ROBO2: variants seen among roughly 807,000 people sequenced by gnomAD.
ROBO2 encodes roundabout guidance receptor 2.
ROBO2 carries 53 observed loss-of-function variants against 160.8 expected under a neutral mutation model. That is an observed-to-expected ratio of 0.33 (90% CI 0.26 to 0.41). ROBO2 has a LOEUF of 0.41. ROBO2 is among the 10% of genes least tolerant of loss of function. The pLI, the probability that ROBO2 is intolerant of heterozygous loss-of-function variation, is 1.00. For synonymous variants in ROBO2, 664 were observed against 611.7 expected (o/e 1.09, Z -1.26); for missense variants, 1,577 against 1,722.4 (o/e 0.92, Z 1.49).
At chr3:76,117,484 G>A (rs2070524093) in intron 2 of ROBO2, among the ~76,000 whole-genome samples, 1 of 152,100 alleles carries the variant, frequency 6.6e-6, no homozygotes, top group Admixed American at 6.6e-5. Flanking sequence ...TAACAAGAAT[G>A]TCTCTGTGTA....
chr3:77,449,135 A>C (rs1214307748), intron 2 of ROBO2, among the ~76,000 whole-genome samples: 1 of 152,084 alleles, frequency 6.6e-6, no homozygotes, highest in Non-Finnish European at 1.5e-5. Context: ...ACATGGAATT[A>C]GTTTGTTCTT....
chr3:76,799,244 C>T (rs1207882404), intron 2 of ROBO2, among the ~76,000 whole-genome samples: 3 of 145,006 alleles, frequency 2.1e-5, no homozygotes, highest in East Asian at 4.0e-4. Context: ...AAAAAAAAAA[C>T]GTATATAACA....
At position 76,940,545 on chromosome 3, in the gene ROBO2, G is replaced by A. The variant is rs368652450; in HGVS notation, c.110-157469G>A. ...TTTAAAATTGTATTCATTTTAAAAT[G>A]CCCTTTCCTTGTCTTTCACGCTGAC... On this transcript the variant is annotated intron_variant, in intron 2 of 26. Coordinates refer to the ROBO2 transcript ENST00000487694. Among the ~76,000 whole-genome samples the A allele has an allele frequency of 1.1e-4, 16 of 152,270 alleles. No homozygotes were observed. In the East Asian group the frequency reaches 2.9e-3, roughly 28 times the overall value.
intron 2 of ROBO2, among the ~76,000 whole-genome samples, chr3:76,378,721 A>G (rs917417086): frequency 6.6e-6 from 1 of 152,198 alleles, no homozygotes; most frequent in Non-Finnish European, 1.5e-5. Flanking sequence ...AGATGAGTTC[A>G]ATCTTCAGCT....
At chr3:77,280,522 C>T (rs1424208227) in intron 2 of ROBO2, among the ~76,000 whole-genome samples, 1 of 152,076 alleles carries the variant, frequency 6.6e-6, no homozygotes, top group Non-Finnish European at 1.5e-5. Flanking sequence ...CTAATGAACT[C>T]GTAATTTATG....
At chr3:77,408,244 T>G (rs2076417220) in intron 2 of ROBO2, among the ~76,000 whole-genome samples, 1 of 152,190 alleles carries the variant, frequency 6.6e-6, no homozygotes, top group Non-Finnish European at 1.5e-5. Flanking sequence ...ACATCGCTTG[T>G]GTCAAATATT....
At chr3:76,871,843 A>T (rs1169985786) in intron 2 of ROBO2, among the ~76,000 whole-genome samples, 2 of 152,206 alleles carry the variant, frequency 1.3e-5, no homozygotes, top group Non-Finnish European at 2.9e-5. Flanking sequence ...CATTAGAGCT[A>T]GACTGACCAT....
intron 2 of ROBO2, among the ~76,000 whole-genome samples, chr3:76,273,120 A>AATATATATATATATATAT (rs749043409): frequency 0.014 from 459 of 32,234 alleles, 11 homozygotes; most frequent in Middle Eastern, 0.023. Context: ...CACACATATA[A>AATATATATATATATATAT]ATATATATAT....
intron 2 of ROBO2, among the ~76,000 whole-genome samples, chr3:77,438,869 AC>A (rs1223182122): frequency 1.3e-5 from 2 of 152,052 alleles, no homozygotes; most frequent in African/African-American, 2.4e-5. Context: ...ATCATATAAT[AC>A]TAAATAACTC....
intron 2 of ROBO2, among the ~76,000 whole-genome samples, chr3:76,149,514 TG>T: frequency 6.7e-6 from 1 of 150,258 alleles, no homozygotes; most frequent in Non-Finnish European, 1.5e-5. Context: ...AGCACACATC[TG>T]TCTAAAACAC....
At chr3:76,020,703 A>T (rs778066682) in intron 2 of ROBO2, among the ~76,000 whole-genome samples, 2 of 151,350 alleles carry the variant, frequency 1.3e-5, no homozygotes, top group African/African-American at 2.4e-5. Flanking sequence ...TTTCACACAG[A>T]CTCTGTGGTT....
chr3:76,149,273 G>A (rs1017334036), intron 2 of ROBO2, among the ~76,000 whole-genome samples: 1 of 152,066 alleles, frequency 6.6e-6, no homozygotes, highest in Admixed American at 6.6e-5. Flanking sequence ...CTTTAAAAAT[G>A]TGTATCAGAA....
chr3:76,005,578 T>C (rs1171918488), intron 2 of ROBO2, among the ~76,000 whole-genome samples: 1 of 152,168 alleles, frequency 6.6e-6, no homozygotes, highest in Non-Finnish European at 1.5e-5. Context: ...TTTTAGGAAG[T>C]CTGTGATGGA....
intron 2 of ROBO2, among the ~76,000 whole-genome samples, chr3:77,213,486 C>G (rs898252120): frequency 6.6e-6 from 1 of 151,672 alleles, no homozygotes; most frequent in Non-Finnish European, 1.5e-5. Context: ...TTTATTAGTC[C>G]TGCTAGCGGT....
intron 2 of ROBO2, among the ~76,000 whole-genome samples, chr3:76,830,209 T>G (rs1017849168): frequency 5.3e-5 from 8 of 152,164 alleles, no homozygotes; most frequent in Non-Finnish European, 1.2e-4. Flanking sequence ...TTGGCCTTCT[T>G]GGTTATTAGA....
At chr3:76,553,749 A>G (rs1392318703) in intron 2 of ROBO2, among the ~76,000 whole-genome samples, 2 of 152,194 alleles carry the variant, frequency 1.3e-5, no homozygotes, top group Non-Finnish European at 2.9e-5. Context: ...CATGTTCATA[A>G]TGATAGATTA....
chr3:75,974,678 A>G (rs1383759582), intron 2 of ROBO2, among the ~76,000 whole-genome samples: 1 of 151,610 alleles, frequency 6.6e-6, no homozygotes, highest in African/African-American at 2.4e-5. Context: ...TTAGGTAAAC[A>G]TTTATAATGT....
intron 2 of ROBO2, among the ~76,000 whole-genome samples, chr3:76,272,953 A>AAAAT (rs1286379053): frequency 0.15 from 4,631 of 31,144 alleles, 1,040 homozygotes; most frequent in Non-Finnish European, 0.32. Flanking sequence ...TAAAATATAT[A>AAAAT]ATATATATTT....
rs141083715 is a variant in ROBO2 at position 76,303,299 on chromosome 3, G to T, written c.109+365697G>T. 3.3e-3 allele frequency among the ~76,000 whole-genome samples: 506 copies of T among 152,006 alleles called. 6 individuals carry two copies. The highest frequency in any genetic ancestry group is 0.024 in the Admixed American group (366 of 15,258). The stretch of plus-strand genomic sequence containing the variant: ...AATGTCAGAAACTAATTTTTCGTAT[G>T]AATTCTAAAAATATATTCATTTTAA... On this transcript the variant is annotated intron_variant, in intron 2 of 26. Transcript: ENST00000487694.
Sources: gnomAD v4.1 joint callset for allele counts (sites outside exome capture counted in the v4.1 genomes callset) on GRCh38, gnomAD v4.1.1 for gene constraint, MANE v1.5 for transcripts, NCBI Gene and HGNC (gene_info 2026-07-23, HGNC 2026-07-21) for gene names.